RAB43: variants seen among roughly 807,000 people sequenced by gnomAD.
RAB43 encodes the protein ras-related protein Rab-43.
Under a neutral mutation model 18.8 loss-of-function variants are expected in RAB43, and 6 were observed. The observed-to-expected ratio is 0.32, with a 90% confidence interval of 0.17 to 0.63. The LOEUF is 0.63. Ranked by LOEUF, RAB43 falls within the 30% of genes least tolerant of loss-of-function variation. RAB43 has a pLI of 0.79. For missense variants in RAB43, 195 were observed against 289.1 expected, an observed-to-expected ratio of 0.67 and a Z score of 2.36; for synonymous variants, 103 against 124.1, an observed-to-expected ratio of 0.83 and a Z score of 1.13.
At chr3:129,115,962 T>G (rs1435419173) in intron 1 of RAB43, among the ~76,000 whole-genome samples, 3 of 152,264 alleles carry the variant, frequency 2.0e-5, no homozygotes, top group Non-Finnish European at 4.4e-5. Context: ...TTGTCCAGCA[T>G]GTACTGTATC....
At chr3:129,098,051 T>A (rs1489953738) in intron 1 of RAB43, among the ~76,000 whole-genome samples, 1 of 152,044 alleles carries the variant, frequency 6.6e-6, no homozygotes, top group Non-Finnish European at 1.5e-5. Context: ...ATGTGAGGTG[T>A]CCCAGTGAGC....
intron 1 of RAB43, among the ~76,000 whole-genome samples, chr3:129,098,341 A>G (rs919934718): frequency 1.3e-5 from 2 of 152,182 alleles, no homozygotes; most frequent in Non-Finnish European, 2.9e-5. Flanking sequence ...CTTTCCACAT[A>G]TCCACCCTAA....
chr3:129,091,854 T>A (rs957975477), intron 2 of RAB43, among the ~76,000 whole-genome samples: 1 of 150,616 alleles, frequency 6.6e-6, no homozygotes, highest in East Asian at 1.9e-4. Context: ...TCACCTGAGG[T>A]TGGAAGTTCA....
chr3:129,115,764 T>G (rs1410107438), intron 1 of RAB43, among the ~76,000 whole-genome samples: 1 of 151,056 alleles, frequency 6.6e-6, no homozygotes, highest in Non-Finnish European at 1.5e-5. Context: ...GAGGTTCCAG[T>G]GAGCCGAGAT....
At chr3:129,106,134 G>A (rs867620396) in intron 1 of RAB43, among the ~76,000 whole-genome samples, 2 of 152,328 alleles carry the variant, frequency 1.3e-5, no homozygotes, top group African/African-American at 4.8e-5. Flanking sequence ...TAGGTTAAAA[G>A]CACCACTGAA....
rs948541351 is a variant in RAB43, at chr3:129,095,138, C to T, written c.236G>A (p.Arg79Gln). 6.2e-6 allele frequency: 10 copies of T among 1,613,288 alleles called. No individual in the cohort carries two copies. The highest frequency in any genetic ancestry group is 1.7e-5 in the Admixed American group (1 of 59,846). ...LQIWDTAGQE[R>Q]FRTITQSYYR... ...GTAGCTCTGGGTGATGGTGCGGAAC[C>T]GCTCCTGGCCGGCCGTGTCCCAGAT... Residue 79 changes from arginine to glutamine, a missense_variant, in exon 2 of 3, where the codon CGG becomes CAG. Physicochemically the swap from Arg to Gln is conservative, Grantham distance 43. Transcript: ENST00000315150. This position sits in a 1 kb window ranked among gnomAD's most constrained non-coding sequence, Gnocchi z 4.2.
intron 1 of RAB43, among the ~76,000 whole-genome samples, chr3:129,117,521 T>C (rs914979935): frequency 1.3e-5 from 2 of 152,236 alleles, no homozygotes; most frequent in Non-Finnish European, 2.9e-5. Context: ...GATCACCATA[T>C]ACAAAGCCTT....
chr3:129,117,156 T>C (rs1215681003), intron 1 of RAB43, among the ~76,000 whole-genome samples: 3 of 152,238 alleles, frequency 2.0e-5, no homozygotes, highest in African/African-American at 7.2e-5. Context: ...TATATACCCT[T>C]TGAAGTTTTT....
Position 129,095,907 on chromosome 3 carries a change from G to T in RAB43, c.205-738C>A, listed in dbSNP as rs1430352139. 6.6e-6 allele frequency among the ~76,000 whole-genome samples: 1 copy of T among 152,230 alleles called. No homozygotes were observed. Among genetic ancestry groups the T allele is most frequent in the Non-Finnish European group, 1.5e-5 (1 of 68,038 alleles). On this transcript the variant is annotated intron_variant, in intron 1 of 2. Coordinates refer to ENST00000315150, the MANE Select transcript of RAB43 (RefSeq NM_198490.3). This position sits in a 1 kb window ranked among gnomAD's most constrained non-coding sequence, Gnocchi z 4.2. ...GCAGAGTCTGGCAGGATGGATACCA[G>T]GCCAGGTAGGGGCAGAGGTCTGTGC...
chr3:129,099,614 G>A (rs1022079245), intron 1 of RAB43, among the ~76,000 whole-genome samples: 9 of 147,722 alleles, frequency 6.1e-5, no homozygotes, highest in Admixed American at 2.0e-4. Context: ...TCGAACTCCC[G>A]ACCTCAGGTG....
intron 1 of RAB43, among the ~76,000 whole-genome samples, chr3:129,100,414 G>A (rs1934343459): frequency 6.6e-6 from 1 of 152,192 alleles, no homozygotes; most frequent in South Asian, 2.1e-4. Context: ...AACAGACTGA[G>A]ACCCTATTTC....
rs543165657 is a variant in RAB43, at chr3:129,100,094, A to C, written c.205-4925T>G. 2.0e-5 allele frequency among the ~76,000 whole-genome samples: 3 copies of C among 152,184 alleles called. No homozygotes were observed. The East Asian group carries it at 5.8e-4, about 29-fold the overall frequency. Reference sequence around the variant, plus strand: ...ATCACAGTCAAAATGACAGAAAACAAGAATAAAGGGGAAATATGAAAAGCA... The same window carrying C: ...ATCACAGTCAAAATGACAGAAAACACGAATAAAGGGGAAATATGAAAAGCA... On this transcript the variant is annotated intron_variant, in intron 1 of 2. Coordinates refer to ENST00000315150, the MANE Select transcript of RAB43 (RefSeq NM_198490.3).
intron 1 of RAB43, among the ~76,000 whole-genome samples, chr3:129,104,761 T>C (rs1056679000): frequency 2.0e-5 from 3 of 152,236 alleles, no homozygotes; most frequent in African/African-American, 7.2e-5. Context: ...TCCCAGCTTA[T>C]ACTACGCTCT....
chr3:129,118,660 G>A (rs1935702930), intron 1 of RAB43, among the ~76,000 whole-genome samples: 1 of 152,244 alleles, frequency 6.6e-6, no homozygotes, highest in South Asian at 2.1e-4. Flanking sequence ...CAAGCATCTC[G>A]GGCTTCCCAA....
At chr3:129,111,553 G>A (rs1935175464) in intron 1 of RAB43, among the ~76,000 whole-genome samples, 1 of 150,582 alleles carries the variant, frequency 6.6e-6, no homozygotes, top group Admixed American at 6.6e-5. Flanking sequence ...TGCCAGCCAT[G>A]GGATCCAGCA....
chr3:129,121,068 G>GCCCCCCCCCCCCCCCCCCC lies in RAB43; in HGVS notation c.204+217_204+218insGGGGGGGGGGGGGGGGGGG, dbSNP rs56235562. Among the ~76,000 whole-genome samples the GCCCCCCCCCCCCCCCCCCC allele has an allele frequency of 4.9e-5, 4 of 82,152 alleles. 1 individual carries two copies. The highest frequency in any genetic ancestry group is 4.4e-4 in the South Asian group (1 of 2,278). 53.9% of individuals were successfully genotyped at this position (82,152 alleles called of 152,430 possible). On this transcript the variant is annotated intron_variant, in intron 1 of 2. Coordinates refer to ENST00000315150, the MANE Select transcript of RAB43 (RefSeq NM_198490.3). ...AGGGCCGCCTCCTCCACACTCCCTC[G>GCCCCCCCCCCCCCCCCCCC]CCCCCCCCCCCCCCAGCAACCCACG...
At chr3:129,114,782 T>C (rs773467697) in intron 1 of RAB43, among the ~76,000 whole-genome samples, 8 of 152,206 alleles carry the variant, frequency 5.3e-5, no homozygotes, top group Non-Finnish European at 1.0e-4. Context: ...AAAGGCCTTG[T>C]GTGCCTCTAC....
intron 1 of RAB43, among the ~76,000 whole-genome samples, chr3:129,120,910 G>A (rs1433227122): frequency 6.6e-6 from 1 of 152,222 alleles, no homozygotes; most frequent in African/African-American, 2.4e-5. Flanking sequence ...GGTGGATGGA[G>A]GTGGGGGGTC....
chr3:129,095,080 G>A lies in RAB43; in HGVS notation c.294C>T (p.Tyr98=), dbSNP rs145101068. The change falls in exon 2 of 3, where the codon TAC becomes TAT. Residue 98 remains tyrosine, a synonymous_variant. Transcript: ENST00000315150. The surrounding 1 kb of genome is among the most constrained non-coding windows in gnomAD (Gnocchi z 4.2). ...GGAAGGAGCTCCTCTTGGTGATGTC[G>A]TAGGCAAGGATGGCCCCATTGGCAC... ...YRSANGAILA[Y]DITKRSSFLS... 6.2e-6 allele frequency: 10 copies of A among 1,613,940 alleles called. No homozygotes were observed. The highest frequency in any genetic ancestry group is 1.3e-5 in the African/African-American group (1 of 74,924).
Sources: gnomAD v4.1 joint callset for allele counts (sites outside exome capture counted in the v4.1 genomes callset) on GRCh38, gnomAD v4.1.1 for gene constraint, Gnocchi (gnomAD v3.1) non-coding constraint, MANE v1.5 for transcripts, NCBI Gene and HGNC (gene_info 2026-07-23, HGNC 2026-07-21) for gene names.